The following UNC119B variants were observed in gnomAD, a reference collection of about 807,000 sequenced individuals.
UNC119B encodes unc-119 lipid binding chaperone B, also known as protein unc-119 homolog B.
In UNC119B, 16 loss-of-function variants were observed where a neutral mutation model predicts 23.4. The observed-to-expected ratio is 0.68, with a 90% CI of 0.46 to 1.04. The LOEUF (loss-of-function observed/expected upper bound fraction) is 1.04. Among genes scored for constraint, UNC119B ranks in the 50% least tolerant of loss-of-function variants. The probability of loss-of-function intolerance (pLI) is 0.00; values close to 1 mark genes in which losing one functional copy is unlikely to be tolerated. For synonymous variants in UNC119B, 144 were observed against 145.4 expected, an observed-to-expected ratio of 0.99 and a Z score of 0.07; for missense variants, 350 against 361.3, an observed-to-expected ratio of 0.97 and a Z score of 0.25.
Position 120,720,173 on chromosome 12 carries a change from C to A in UNC119B, c.*141C>A. ...AAGGCTGGGGTGGCAGTTTCCTGCG[C>A]GCCAAAGGAGCTGCCAAACAGTGCT... On this transcript the variant is annotated 3_prime_UTR_variant, in exon 5 of 5. Transcript: ENST00000344651. 1.6e-6 allele frequency: 1 copy of A among 637,178 alleles called. No homozygotes were observed. The highest frequency in any genetic ancestry group is 2.7e-6 in the Non-Finnish European group (1 of 364,638). The allele number at this position is 637,178 out of a possible 1,614,324, so 39.5% of individuals were successfully genotyped here.
chr12:120,716,414 A>G (rs1326987334), intron 2 of UNC119B, among the ~76,000 whole-genome samples: 1 of 152,232 alleles, frequency 6.6e-6, no homozygotes, highest in Non-Finnish European at 1.5e-5. Flanking sequence ...CCTGATCTGT[A>G]AAATAGAGAC....
In UNC119B at chr12:120,716,650, GGGAGGT is replaced by G. The variant is rs771622945; in HGVS notation, c.386_391del (p.Gly129_Gly130del). The G allele has an allele frequency of 6.2e-7, 1 of 1,614,200 alleles. No individual in the cohort carries two copies. Among genetic ancestry groups the G allele is most frequent in the Admixed American group, 1.7e-5 (1 of 60,028 alleles). Reference sequence around the variant, plus strand: ...CAGACCAGGAGGAGGATGAGGAGGAGGGAGGTGGAGACGTGGACATCAGCGCAGGAC... The same window carrying G: ...CAGACCAGGAGGAGGATGAGGAGGAGGGAGACGTGGACATCAGCGCAGGAC... On this transcript the variant is annotated inframe_deletion, in exon 3 of 5. Transcript: ENST00000344651.
At chr12:120,713,185 A>G in intron 1 of UNC119B, 89 bp from the exon 2 acceptor site, 1 of 1,109,562 alleles carries the variant, frequency 9.0e-7, no homozygotes, top group Non-Finnish European at 1.3e-6. Flanking sequence ...GTAAGAAAAA[A>G]TCTGAGTTTG....
Position 120,716,706 on chromosome 12 carries a change from C to T in UNC119B, c.437C>T (p.Pro146Leu), listed in dbSNP as rs755624970. 18 of 1,614,024 alleles carry T rather than the reference C, an allele frequency of 1.1e-5. No individual in the cohort carries two copies. The highest frequency in any genetic ancestry group is 1.6e-4 in the Middle Eastern group (1 of 6,080). The change falls in exon 3 of 5, where the codon CCG (proline) becomes CTG (leucine). Residue 146 changes from proline (P) to leucine (L), a missense_variant. Coordinates refer to ENST00000344651, the MANE Select transcript of UNC119B (RefSeq NM_001080533.3). ...CGTTTTGTCCGCTATCAGTTCACACCGGCATTTCTCCGCCTCCGGACAGTC... is the reference window on the plus strand; with the variant it reads ...CGTTTTGTCCGCTATCAGTTCACACTGGCATTTCTCCGCCTCCGGACAGTC... ...AGRFVRYQFT[P>L]AFLRLRTVGA...
In UNC119B at chr12:120,710,716, A is replaced by G; in HGVS notation, c.242A>G (p.Glu81Gly). 4 of 1,406,946 alleles carry G rather than the reference A, an allele frequency of 2.8e-6. No homozygotes were observed. The highest frequency in any genetic ancestry group is 3.7e-6 in the Non-Finnish European group (4 of 1,083,580). 87.2% of individuals were successfully genotyped at this position (1,406,946 alleles called of 1,614,324 possible). The change falls in exon 1 of 5, where the codon GAG becomes GGG. Residue 81 changes from glutamate to glycine, a missense_variant and splice_region_variant. Glu to Gly is a moderately conservative substitution (Grantham distance 98). Transcript: ENST00000344651. Reference protein sequence around the residue: ...EHVLRLSRVTENYLCKPEDNI... With the variant: ...EHVLRLSRVTGNYLCKPEDNI... ...GTCCTGCGCCTCAGCCGGGTCACCG[A>G]GAGTGAGTGCCGCGCGGGCCGCGCC...
At chr12:120,717,071 C>G (rs1306685915) in intron 4 of UNC119B, 29 bp downstream of exon 4, 2 of 1,532,214 alleles carry the variant, frequency 1.3e-6, no homozygotes, top group Admixed American at 2.1e-5. Context: ...TTACAGCACT[C>G]TAGATTCTGA....
chr12:120,719,255 G>A (rs1293838456), intron 4 of UNC119B, among the ~76,000 whole-genome samples: 2 of 152,160 alleles, frequency 1.3e-5, no homozygotes, highest in South Asian at 2.1e-4. Context: ...CTGATCAGAG[G>A]TAGTGACTGT....
intron 1 of UNC119B, 26 bp downstream of exon 1, chr12:120,710,744 C>A: frequency 7.6e-7 from 1 of 1,310,810 alleles, no homozygotes; most frequent in Non-Finnish European, 9.7e-7. Context: ...GCCGCGCCCT[C>A]CCCTCGCGCC....
chr12:120,713,402 T>C lies in UNC119B; in HGVS notation c.358+15T>C. 2 of 1,583,724 alleles carry C rather than the reference T, an allele frequency of 1.3e-6. No homozygotes were observed. Among genetic ancestry groups the C allele is most frequent in the East Asian group, 2.2e-5 (1 of 44,734 alleles). On this transcript the variant is annotated intron_variant, in intron 2 of 4. Coordinates refer to ENST00000344651, the MANE Select transcript of UNC119B (RefSeq NM_001080533.3). ...TTGCGTTTCAGGTAGGCCTCTACGT[T>C]GTGGTGACCACTAGACAGTTTTGAG... is the stretch of plus-strand genomic sequence containing the variant.
chr12:120,720,943 A>G lies in UNC119B; in HGVS notation c.*911A>G, dbSNP rs1420495876. ...TGTGATATGTGGTTAGACTTCTGAT[A>G]GTATCAGCTTCCAGGGGCTAATCTG... On this transcript the variant is annotated 3_prime_UTR_variant, in exon 5 of 5. Coordinates refer to ENST00000344651, the MANE Select transcript of UNC119B (RefSeq NM_001080533.3). 1 of 152,206 alleles carries G rather than the reference A, an allele frequency of 6.6e-6. No homozygotes were observed. Among genetic ancestry groups the G allele is most frequent in the East Asian group, 1.9e-4 (1 of 5,200 alleles). 9.4% of individuals were successfully genotyped at this position (152,206 alleles called of 1,614,324 possible).
intron 1 of UNC119B, 190 bp downstream of exon 1, chr12:120,710,908 C>T: frequency 2.1e-6 from 1 of 470,550 alleles, no homozygotes; most frequent in East Asian, 4.3e-5. Flanking sequence ...TGGGGAAGGA[C>T]TCTCCTGGGC....
rs1467448283 is a variant in UNC119B, at chr12:120,710,715, G to A, written c.241G>A (p.Glu81Lys). 1.4e-6 allele frequency: 2 copies of A among 1,407,172 alleles called. No individual in the cohort carries two copies. Among genetic ancestry groups the A allele is most frequent in the Non-Finnish European group, 1.8e-6 (2 of 1,083,662 alleles). 87.2% of individuals were successfully genotyped at this position (1,407,172 alleles called of 1,614,324 possible). A position where few individuals can be genotyped will look rare whatever the true frequency, so the allele number is the denominator to read the frequency against. The change falls in exon 1 of 5, where the codon GAG (glutamate) becomes AAG (lysine). Residue 81 changes from glutamate to lysine, a missense_variant. Coordinates refer to ENST00000344651, the MANE Select transcript of UNC119B (RefSeq NM_001080533.3). ...CGTCCTGCGCCTCAGCCGGGTCACC[G>A]AGAGTGAGTGCCGCGCGGGCCGCGC... is the stretch of plus-strand genomic sequence containing the variant. ...EHVLRLSRVT[E>K]NYLCKPEDNI...
At chr12:120,717,276 T>C (rs935474859) in intron 4 of UNC119B, among the ~76,000 whole-genome samples, 2 of 152,148 alleles carry the variant, frequency 1.3e-5, no homozygotes, top group Non-Finnish European at 2.9e-5. Context: ...TTTTTGTTTT[T>C]TTCCCCTGAG....
rs867265235 is a variant in UNC119B at position 120,719,953 on chromosome 12, G to T, written c.677G>T (p.Arg226Leu). 4 of 1,614,056 alleles carry T rather than the reference G, an allele frequency of 2.5e-6. No individual in the cohort carries two copies. The highest frequency in any genetic ancestry group is 3.4e-6 in the Non-Finnish European group (4 of 1,179,974). Residue 226 changes from arginine (R) to leucine (L), a missense_variant, in exon 5 of 5, where the codon CGC becomes CTC. Coordinates refer to ENST00000344651, the MANE Select transcript of UNC119B (RefSeq NM_001080533.3). ...RLMIENPYET[R>L]SDSFYFVDNK... ...ATGATTGAAAATCCTTACGAGACCC[G>T]CTCTGACAGCTTCTACTTTGTTGAC...
At position 120,716,705 on chromosome 12, in the gene UNC119B, C is replaced by G; in HGVS notation, c.436C>G (p.Pro146Ala). 6.2e-7 allele frequency: 1 copy of G among 1,614,180 alleles called. No individual in the cohort carries two copies. The change falls in exon 3 of 5, where the codon CCG (proline) becomes GCG (alanine). Residue 146 changes from proline (P) to alanine (A), a missense_variant. By Grantham distance (27) the Pro-to-Ala change is conservative. Transcript: ENST00000344651. ...ACGTTTTGTCCGCTATCAGTTCACA[C>G]CGGCATTTCTCCGCCTCCGGACAGT... ...AGRFVRYQFT[P>A]AFLRLRTVGA...
intron 2 of UNC119B, among the ~76,000 whole-genome samples, chr12:120,715,352 A>G (rs927650005): frequency 6.6e-6 from 1 of 152,190 alleles, no homozygotes; most frequent in Non-Finnish European, 1.5e-5. Flanking sequence ...ACCCCTACTC[A>G]GCCTGGTTGC....
rs767092881 is a variant in UNC119B, at chr12:120,710,526, G to A, written c.52G>A (p.Gly18Arg). The A allele has an allele frequency of 7.3e-6, 10 of 1,369,538 alleles. No individual in the cohort carries two copies. The East Asian group carries it at 2.7e-4, about 38-fold the overall frequency. The allele number at this position is 1,369,538 out of a possible 1,614,324, so 84.8% of individuals were successfully genotyped here. The change falls in exon 1 of 5, where the codon GGG becomes AGG. Residue 18 changes from glycine (G) to arginine (R), a missense_variant. By Grantham distance (125) the Gly-to-Arg change is moderately radical. Transcript: ENST00000344651. ...AAAAASAAGP[G>R]GLVAGKEEKK... Reference sequence around the variant, plus strand: ...GGCCGCGGCGTCGGCGGCTGGGCCCGGGGGGCTGGTGGCTGGCAAGGAGGA... The same window carrying A: ...GGCCGCGGCGTCGGCGGCTGGGCCCAGGGGGCTGGTGGCTGGCAAGGAGGA...
intron 1 of UNC119B, 40 bp downstream of exon 1, chr12:120,710,758 C>CCCCGGCT: frequency 7.7e-7 from 1 of 1,296,252 alleles, no homozygotes; most frequent in South Asian, 2.2e-5. Flanking sequence ...TCGCGCCGTG[C>CCCCGGCT]CCCGGCTCCC....
At position 120,720,040 on chromosome 12, in the gene UNC119B, A is replaced by G. The variant is rs747915739; in HGVS notation, c.*8A>G. On this transcript the variant is annotated 3_prime_UTR_variant, in exon 5 of 5. Transcript: ENST00000344651. Reference sequence around the variant, plus strand: ...TATAATGGAGGCCAGTAAGTGCTGCAAGAGTAGATAGGGGAGGTGCTTTGC... The same window carrying G: ...TATAATGGAGGCCAGTAAGTGCTGCGAGAGTAGATAGGGGAGGTGCTTTGC... The G allele has an allele frequency of 2.5e-6, 4 of 1,598,584 alleles. No homozygotes were observed. The highest frequency in any genetic ancestry group is 4.5e-5 in the East Asian group (2 of 44,744).
Sources: gnomAD v4.1 joint callset for allele counts (sites outside exome capture counted in the v4.1 genomes callset) on GRCh38, gnomAD v4.1.1 for gene constraint, MANE v1.5 for transcripts, NCBI Gene and HGNC (gene_info 2026-07-23, HGNC 2026-07-21) for gene names.